PCDHA5: variants seen among roughly 807,000 people sequenced by gnomAD.
PCDHA5 encodes the protein protocadherin alpha-5.
A neutral mutation model predicts 61.6 loss-of-function variants in PCDHA5; 43 were observed. The ratio of observed to expected loss-of-function variants is 0.70; its 90% CI spans 0.55 to 0.90. PCDHA5 has a LOEUF of 0.90. Ranked by LOEUF, PCDHA5 falls within the 40% of genes least tolerant of loss-of-function variation. The probability of loss-of-function intolerance (pLI) is 0.00; values close to 1 mark genes in which losing one functional copy is unlikely to be tolerated. For missense variants in PCDHA5, 1,298 were observed against 1,222.7 expected (o/e 1.06, Z -0.92); for synonymous variants, 627 against 543.9 (o/e 1.15, Z -2.13).
At chr5:140,869,721 G>A (rs1554163371) in intron 1 of PCDHA5, 2 of 1,613,340 alleles carry the variant, frequency 1.2e-6, no homozygotes, top group Non-Finnish European at 1.7e-6. Flanking sequence ...AGAAAACTCC[G>A]GAACTTAATT....
intron 1 of PCDHA5, chr5:140,869,015 A>G (rs2050795044): frequency 6.6e-7 from 1 of 1,524,382 alleles, no homozygotes; most frequent in Non-Finnish European, 8.8e-7. Flanking sequence ...GAAACTTCTT[A>G]AGAATTCAAC....
rs146932686 is a variant in PCDHA5, at chr5:140,955,010, G to T, written c.2353-23939G>T. 3.9e-3 allele frequency among the ~76,000 whole-genome samples: 599 copies of T among 152,256 alleles called. 6 individuals carry two copies. The highest frequency in any genetic ancestry group is 0.032 in the South Asian group (154 of 4,816). On this transcript the variant is annotated intron_variant, in intron 1 of 3. Transcript: ENST00000529859. ...TGCATATGGCTAGCCAATTCTCCCAGCACCATTTATTAAATAGGGAATCTT... is the reference window on the plus strand; with the variant it reads ...TGCATATGGCTAGCCAATTCTCCCATCACCATTTATTAAATAGGGAATCTT...
chr5:140,888,945 T>G (rs2062037344), intron 1 of PCDHA5, among the ~76,000 whole-genome samples: 1 of 152,102 alleles, frequency 6.6e-6, no homozygotes, highest in African/African-American at 2.4e-5. Context: ...GAGGTATAAA[T>G]TTTTTCTTTG....
intron 1 of PCDHA5, chr5:140,881,444 A>C (rs2058716592): frequency 1.2e-6 from 1 of 800,270 alleles, no homozygotes; most frequent in African/African-American, 1.9e-5. Context: ...ATAAAAACAG[A>C]ATCCAAAACC....
At chr5:140,873,823 G>T (rs2054513552) in intron 1 of PCDHA5, among the ~76,000 whole-genome samples, 1 of 152,076 alleles carries the variant, frequency 6.6e-6, no homozygotes, top group Non-Finnish European at 1.5e-5. Context: ...ACCACTCCTG[G>T]CTAATTTTTG....
rs563652109 is a variant in PCDHA5 at position 140,884,316 on chromosome 5, C to G, written c.2352+60189C>G. 26 of 1,613,752 alleles carry G rather than the reference C, an allele frequency of 1.6e-5. 2 individuals carry two copies. The South Asian group carries it at 2.5e-4, about 16-fold the overall frequency. On this transcript the variant is annotated intron_variant, in intron 1 of 3. Transcript: ENST00000529859. ...GCGCCACAGGCTTCGTCGAGGGCGT[C>G]GGCAGGCGCTGTGGGTCCAGAAGCG...
chr5:140,832,090 C>T (rs1233831526), intron 1 of PCDHA5, among the ~76,000 whole-genome samples: 2 of 152,154 alleles, frequency 1.3e-5, no homozygotes, highest in Admixed American at 1.3e-4. Flanking sequence ...ATTTTAAATG[C>T]CATGTTCTAC....
At chr5:140,869,799 C>T (rs781959839) in intron 1 of PCDHA5, 1 of 1,612,706 alleles carries the variant, frequency 6.2e-7, no homozygotes, top group Non-Finnish European at 8.5e-7. Flanking sequence ...TAGTCCAAGT[C>T]TTGGATGTCA....
At chr5:140,923,423 G>T (rs533295733) in intron 1 of PCDHA5, among the ~76,000 whole-genome samples, 1 of 152,260 alleles carries the variant, frequency 6.6e-6, no homozygotes, top group East Asian at 1.9e-4. Context: ...GGCTACTTGG[G>T]AGGCTGGGGT....
chr5:140,928,000 G>C, intron 1 of PCDHA5: 1 of 1,614,166 alleles, frequency 6.2e-7, no homozygotes. Flanking sequence ...TGAAGACCTC[G>C]ATTCTAATGG....
Position 140,853,567 on chromosome 5 carries a change from T to C in PCDHA5, c.2352+29440T>C. 2 of 981,210 alleles carry C rather than the reference T, an allele frequency of 2.0e-6. 1 individual carries two copies. The highest frequency in any genetic ancestry group is 3.5e-5 in the African/African-American group (2 of 56,602). The allele number at this position is 981,210 out of a possible 1,614,324, so 60.8% of individuals were successfully genotyped here. A position where few individuals can be genotyped will look rare whatever the true frequency, so the allele number is the denominator to read the frequency against. On this transcript the variant is annotated intron_variant, in intron 1 of 3. Transcript: ENST00000529859. ...TAATTACTATATAGGAAAAACTAAGTTGTCACCCAATATCTTAGACACTTT... is the reference window on the plus strand; with the variant it reads ...TAATTACTATATAGGAAAAACTAAGCTGTCACCCAATATCTTAGACACTTT...
At chr5:140,867,971 C>A (rs1230179778) in intron 1 of PCDHA5, 2 of 152,032 alleles carry the variant, frequency 1.3e-5, no homozygotes, top group Non-Finnish European at 2.9e-5. Flanking sequence ...ATTCTTTCAA[C>A]AAGAAACAAA....
In PCDHA5 at chr5:140,822,197, T is replaced by A. The variant is rs1767226544; in HGVS notation, c.422T>A (p.Ile141Asn). The A allele has an allele frequency of 6.2e-7, 1 of 1,614,220 alleles. No individual in the cohort carries two copies. The highest frequency in any genetic ancestry group is 1.6e-4 in the Middle Eastern group (1 of 6,062). The stretch of plus-strand genomic sequence containing the variant: ...TCCAGACAAGAACAAAGATTATTCA[T>A]TTTAGAGTCAAGAATGCCAGATTCG... Reference protein sequence around the residue: ...RFSRQEQRLFILESRMPDSRF... With the variant: ...RFSRQEQRLFNLESRMPDSRF... Residue 141 changes from isoleucine to asparagine, a missense_variant, in exon 1 of 4, where the codon ATT (isoleucine) becomes AAT (asparagine). Physicochemically the swap from Ile to Asn is moderately radical, Grantham distance 149. Coordinates refer to ENST00000529859, the MANE Select transcript of PCDHA5 (RefSeq NM_018908.3).
At chr5:140,830,487 T>C in intron 1 of PCDHA5, 1 of 1,497,798 alleles carries the variant, frequency 6.7e-7, no homozygotes, top group East Asian at 2.4e-5. Flanking sequence ...GATGCCAAAG[T>C]AAGTGAATTT....
intron 1 of PCDHA5, chr5:140,828,790 G>T: frequency 6.2e-7 from 1 of 1,614,182 alleles, no homozygotes; most frequent in Non-Finnish European, 8.5e-7. Flanking sequence ...TCACAGTGCT[G>T]GATGTGAATG....
At chr5:140,927,598 T>G (rs2084398863) in intron 1 of PCDHA5, 1 of 1,614,046 alleles carries the variant, frequency 6.2e-7, no homozygotes, top group African/African-American at 1.3e-5. Flanking sequence ...ATTTGAGCGC[T>G]CCGTATACCG....
Position 140,823,720 on chromosome 5 carries a change from C to T in PCDHA5, c.1945C>T (p.Leu649=). The part of the protein sequence containing the change: ...TEAPRHRLLV[L]VKDHGEPPLT... Reference sequence around the variant, plus strand: ...AGCACCGCGCCACCGCCTTCTGGTGCTGGTGAAGGACCATGGAGAGCCCCC... The same window carrying T: ...AGCACCGCGCCACCGCCTTCTGGTGTTGGTGAAGGACCATGGAGAGCCCCC... Residue 649 remains leucine (L), a synonymous_variant, in exon 1 of 4, where the codon CTG becomes TTG. Coordinates refer to ENST00000529859, the MANE Select transcript of PCDHA5 (RefSeq NM_018908.3). 1 of 1,613,952 alleles carries T rather than the reference C, an allele frequency of 6.2e-7. No homozygotes were observed. The highest frequency in any genetic ancestry group is 8.5e-7 in the Non-Finnish European group (1 of 1,179,954).
At chr5:140,891,432 C>T (rs183679) in intron 1 of PCDHA5, among the ~76,000 whole-genome samples, 69,006 of 149,136 alleles carry the variant, frequency 0.46, 16,159 homozygotes, top group South Asian at 0.58. Context: ...AAGTCCCCAA[C>T]GTCCATTGTA....
intron 1 of PCDHA5, chr5:140,835,845 G>A (rs2150246372): frequency 2.5e-6 from 4 of 1,612,312 alleles, no homozygotes; most frequent in Non-Finnish European, 1.7e-6. Flanking sequence ...GCAGAAGAAC[G>A]CGCTGGTGTC....
Sources: allele counts gnomAD v4.1 joint callset (sites outside exome capture counted in the v4.1 genomes callset), GRCh38; gene constraint gnomAD v4.1.1; transcripts MANE v1.5; gene names NCBI Gene and HGNC (gene_info 2026-07-23, HGNC 2026-07-21).